ROBO2: variants seen among roughly 807,000 people sequenced by gnomAD.
ROBO2 encodes the protein roundabout homolog 2.
ROBO2 carries 53 observed loss-of-function variants against 160.8 expected under a neutral mutation model. The ratio of observed to expected loss-of-function variants is 0.33; its 90% confidence interval spans 0.26 to 0.41. ROBO2 has a LOEUF of 0.41. ROBO2 is among the 10% of genes least tolerant of loss of function. The pLI is 1.00. For synonymous variants in ROBO2, 664 were observed against 611.7 expected, an observed-to-expected ratio of 1.09 and a Z score of -1.26; for missense variants, 1,577 against 1,722.4, an observed-to-expected ratio of 0.92 and a Z score of 1.49.
At chr3:77,572,630 C>T (rs2093664602) in intron 13 of ROBO2, among the ~76,000 whole-genome samples, 1 of 106,652 alleles carries the variant, frequency 9.4e-6, no homozygotes, top group Admixed American at 1.2e-4. Flanking sequence ...ATTAGCCGTA[C>T]ATAGAAACAC....
intron 2 of ROBO2, among the ~76,000 whole-genome samples, chr3:76,548,811 G>A (rs142919432): frequency 1.5e-3 from 234 of 151,920 alleles, no homozygotes; most frequent in African/African-American, 5.1e-3. Context: ...AGATGAATAC[G>A]GTCTCTAAAC....
chr3:76,100,497 G>T (rs1403087544), intron 2 of ROBO2, among the ~76,000 whole-genome samples: 1 of 152,074 alleles, frequency 6.6e-6, no homozygotes, highest in Non-Finnish European at 1.5e-5. Flanking sequence ...TTCATACAAA[G>T]ATAGTAAATT....
chr3:76,124,166 T>A (rs1350099285), intron 2 of ROBO2, among the ~76,000 whole-genome samples: 16 of 152,132 alleles, frequency 1.1e-4, no homozygotes, highest in African/African-American at 3.6e-4. Context: ...AAAAATTACC[T>A]AATGAAAAAA....
chr3:77,624,320 AGT>A (rs1033487175), intron 23 of ROBO2, among the ~76,000 whole-genome samples: 1 of 151,974 alleles, frequency 6.6e-6, no homozygotes, highest in Non-Finnish European at 1.5e-5. Context: ...AGTGCTTATA[AGT>A]GTGTGTGTGA....
chr3:77,217,049 T>C (rs1003216210), intron 2 of ROBO2, among the ~76,000 whole-genome samples: 2 of 152,146 alleles, frequency 1.3e-5, no homozygotes, highest in African/African-American at 4.8e-5. Flanking sequence ...ATTAGAGTGG[T>C]AAAGCTGACA....
intron 2 of ROBO2, among the ~76,000 whole-genome samples, chr3:77,231,811 T>C (rs559417561): frequency 2.0e-5 from 3 of 152,254 alleles, no homozygotes; most frequent in Non-Finnish European, 4.4e-5. Context: ...CAATCTTTGA[T>C]CAGCAAAAAG....
intron 2 of ROBO2, among the ~76,000 whole-genome samples, chr3:76,232,649 T>C (rs1704690050): frequency 6.6e-6 from 1 of 152,184 alleles, no homozygotes; most frequent in South Asian, 2.1e-4. Context: ...ATTTAAACAG[T>C]AATTCCATCT....
Position 76,355,783 on chromosome 3 carries a change from A to AT in ROBO2, c.109+418188dup, listed in dbSNP as rs1237860967. ...TATTTAGATGAATTTGGGAGCTACG[A>AT]TTTTTTTGGTGATTTTAAGGATATC... is the stretch of plus-strand genomic sequence containing the variant. On this transcript the variant is annotated intron_variant, in intron 2 of 26. Coordinates refer to the ROBO2 transcript ENST00000487694. Among the ~76,000 whole-genome samples, 6 of 151,828 alleles carry AT rather than the reference A, an allele frequency of 4.0e-5. 1 individual carries two copies. Among genetic ancestry groups the AT allele is most frequent in the South Asian group, 2.1e-4 (1 of 4,828 alleles).
At chr3:76,690,182 A>G (rs155473) in intron 2 of ROBO2, among the ~76,000 whole-genome samples, 50,904 of 152,062 alleles carry the variant, frequency 0.33, 9,423 homozygotes, top group East Asian at 0.57. Flanking sequence ...AAAAGAGACT[A>G]TAATTCCCTA....
At chr3:77,440,485 G>A (rs2079800345) in intron 2 of ROBO2, among the ~76,000 whole-genome samples, 1 of 152,112 alleles carries the variant, frequency 6.6e-6, no homozygotes, top group South Asian at 2.1e-4. Context: ...ATAATGAGCT[G>A]TGCATATGGC....
intron 2 of ROBO2, among the ~76,000 whole-genome samples, chr3:75,966,052 C>T (rs535166734): frequency 1.2e-4 from 18 of 151,700 alleles, no homozygotes; most frequent in Non-Finnish European, 1.6e-4. Flanking sequence ...ATTATTTCTG[C>T]GAGAGGTCAC....
intron 2 of ROBO2, among the ~76,000 whole-genome samples, chr3:77,239,956 G>T (rs2088731359): frequency 6.6e-6 from 1 of 152,190 alleles, no homozygotes; most frequent in Non-Finnish European, 1.5e-5. Context: ...GCTGATTGGT[G>T]CATATACAAT....
rs113015093 is a variant in ROBO2, at chr3:75,944,516, T to TA, written c.109+6923dup. Among the ~76,000 whole-genome samples, 239 of 151,296 alleles carry TA rather than the reference T, an allele frequency of 1.6e-3. 2 individuals are homozygous for TA. The South Asian group carries it at 0.022, about 14-fold the overall frequency. ...GTTGCCAACTGAGATTCCAAGGACT[T>TA]AAAAAAAAACCTGGCACCTTTCCAT... is the stretch of plus-strand genomic sequence containing the variant. On this transcript the variant is annotated intron_variant, in intron 2 of 26. Coordinates refer to the ROBO2 transcript ENST00000487694.
At chr3:77,265,158 A>G (rs769300049) in intron 2 of ROBO2, among the ~76,000 whole-genome samples, 71 of 152,114 alleles carry the variant, frequency 4.7e-4, no homozygotes, top group Non-Finnish European at 1.3e-4. Context: ...TTACATCCCT[A>G]TGACATAAAA....
At chr3:75,996,196 A>G (rs1172134589) in intron 2 of ROBO2, among the ~76,000 whole-genome samples, 1 of 152,176 alleles carries the variant, frequency 6.6e-6, no homozygotes, top group Admixed American at 6.5e-5. Context: ...TTGTCTGCCC[A>G]CCTAAATCTC....
chr3:76,292,739 C>T (rs1339861465), intron 2 of ROBO2, among the ~76,000 whole-genome samples: 1 of 151,986 alleles, frequency 6.6e-6, no homozygotes, highest in Non-Finnish European at 1.5e-5. Flanking sequence ...AATTTTTAAT[C>T]ATTTTAATTT....
chr3:76,241,748 G>C (rs1416957620), intron 2 of ROBO2, among the ~76,000 whole-genome samples: 2 of 152,170 alleles, frequency 1.3e-5, no homozygotes, highest in East Asian at 3.9e-4. Context: ...GCTTCATTCA[G>C]TGTGAACTTA....
chr3:76,852,286 G>A (rs2069488522), intron 2 of ROBO2, among the ~76,000 whole-genome samples: 1 of 152,084 alleles, frequency 6.6e-6, no homozygotes, highest in African/African-American at 2.4e-5. Flanking sequence ...ATGGACTTTA[G>A]AGCTTGGCAT....
At chr3:77,208,954 T>C (rs2083765310) in intron 2 of ROBO2, among the ~76,000 whole-genome samples, 2 of 152,194 alleles carry the variant, frequency 1.3e-5, no homozygotes, top group African/African-American at 4.8e-5. Flanking sequence ...ATATGTTTCA[T>C]ATATTTTTGA....
Sources: allele counts gnomAD v4.1 joint callset (sites outside exome capture counted in the v4.1 genomes callset), GRCh38; gene constraint gnomAD v4.1.1; transcripts MANE v1.5; gene names NCBI Gene and HGNC (gene_info 2026-07-23, HGNC 2026-07-21).